MSRA: variants seen among roughly 807,000 people sequenced by gnomAD.
MSRA encodes the protein methionine sulfoxide reductase A, also known as mitochondrial peptide methionine sulfoxide reductase.
A neutral mutation model predicts 31.3 loss-of-function variants in MSRA; 54 were observed. The ratio of observed to expected loss-of-function variants is 1.73; its 90% CI spans 1.39 to 2.17. MSRA has a LOEUF of 2.17. Among genes scored for constraint, MSRA ranks in the 30% most tolerant of loss-of-function variants. The pLI is 0.00. For missense variants in MSRA, 507 were observed against 300.9 expected (o/e 1.69, Z -5.07); for synonymous variants, 169 against 116.5 (o/e 1.45, Z -2.90).
At chr8:10,357,775 C>T (rs937831903) in intron 5 of MSRA, among the ~76,000 whole-genome samples, 17 of 152,206 alleles carry the variant, frequency 1.1e-4, no homozygotes, top group Middle Eastern at 3.2e-3. Context: ...ACACACCATA[C>T]AATGTGTAGT....
At chr8:10,061,991 T>C (rs550311001) in intron 1 of MSRA, among the ~76,000 whole-genome samples, 93 of 152,216 alleles carry the variant, frequency 6.1e-4, no homozygotes, top group African/African-American at 2.2e-3. Context: ...TGTGAGCCCC[T>C]GCGTTGGGTG....
chr8:10,280,910 T>C (rs551941282), intron 3 of MSRA, among the ~76,000 whole-genome samples: 1 of 152,302 alleles, frequency 6.6e-6, no homozygotes, highest in South Asian at 2.1e-4. Flanking sequence ...CAAAAAACCA[T>C]AGAGTGTATG....
chr8:10,063,681 C>A (rs553217298), intron 1 of MSRA, among the ~76,000 whole-genome samples: 1 of 152,138 alleles, frequency 6.6e-6, no homozygotes, highest in Non-Finnish European at 1.5e-5. Flanking sequence ...CTAGTCTTTT[C>A]GGCCATGTGA....
intron 1 of MSRA, among the ~76,000 whole-genome samples, chr8:10,055,188 C>A (rs1430186232): frequency 6.6e-6 from 1 of 152,098 alleles, no homozygotes; most frequent in African/African-American, 2.4e-5. Context: ...CCCTAGTCAC[C>A]CCTCGTGCCC....
chr8:10,065,481 A>G (rs997031761), intron 1 of MSRA, among the ~76,000 whole-genome samples: 3 of 152,232 alleles, frequency 2.0e-5, no homozygotes, highest in African/African-American at 7.2e-5. Flanking sequence ...TGCAGTTTAG[A>G]CCTTGGATGA....
At chr8:10,424,335 G>T (rs1190904663) in intron 5 of MSRA, among the ~76,000 whole-genome samples, 1 of 152,186 alleles carries the variant, frequency 6.6e-6, no homozygotes, top group Admixed American at 6.5e-5. Context: ...GGTGAATCAG[G>T]GAGAAGGGCC....
chr8:10,390,955 G>A (rs571274486), intron 5 of MSRA, among the ~76,000 whole-genome samples: 92 of 144,034 alleles, frequency 6.4e-4, no homozygotes, highest in African/African-American at 2.0e-3. Flanking sequence ...CAGCCTGGGC[G>A]ATAAGTGAGA....
At chr8:10,416,752 A>G (rs182758084) in intron 5 of MSRA, among the ~76,000 whole-genome samples, 17 of 152,292 alleles carry the variant, frequency 1.1e-4, no homozygotes, top group African/African-American at 4.1e-4. Flanking sequence ...CGTCTGGGGA[A>G]GGGCCCAGAC....
intron 1 of MSRA, among the ~76,000 whole-genome samples, chr8:10,172,297 G>A (rs988797816): frequency 3.9e-5 from 6 of 152,184 alleles, no homozygotes; most frequent in African/African-American, 9.7e-5. Flanking sequence ...TGCCATTTAG[G>A]AGGCCTTGGG....
At chr8:10,238,304 A>G (rs935444176) in intron 2 of MSRA, among the ~76,000 whole-genome samples, 6 of 152,196 alleles carry the variant, frequency 3.9e-5, no homozygotes, top group African/African-American at 1.4e-4. Context: ...GTGCTTTCCC[A>G]GCCCACCTGA....
intron 5 of MSRA, among the ~76,000 whole-genome samples, chr8:10,351,079 G>A (rs1028941442): frequency 2.0e-5 from 3 of 152,170 alleles, no homozygotes; most frequent in Non-Finnish European, 2.9e-5. Context: ...AGAATGCTGT[G>A]AGTCAGACGA....
intron 5 of MSRA, among the ~76,000 whole-genome samples, chr8:10,348,842 G>A (rs547653247): frequency 1.3e-5 from 2 of 152,172 alleles, no homozygotes; most frequent in Non-Finnish European, 2.9e-5. Flanking sequence ...GAAGGCTTGG[G>A]GGGGACAAGG....
intron 2 of MSRA, among the ~76,000 whole-genome samples, chr8:10,236,471 A>G (rs1811951604): frequency 6.6e-6 from 1 of 152,224 alleles, no homozygotes; most frequent in South Asian, 2.1e-4. Context: ...ATCAAAAAGT[A>G]TAGTAGAAAA....
At chr8:10,226,363 A>C (rs756140403) in intron 2 of MSRA, among the ~76,000 whole-genome samples, 10 of 152,176 alleles carry the variant, frequency 6.6e-5, no homozygotes, top group Non-Finnish European at 1.0e-4. Flanking sequence ...GAATGCTAAG[A>C]AGAGGGTCCC....
At chr8:10,238,816 T>C (rs141765982) in intron 2 of MSRA, among the ~76,000 whole-genome samples, 3 of 152,264 alleles carry the variant, frequency 2.0e-5, no homozygotes, top group African/African-American at 7.2e-5. Flanking sequence ...TCTGAAAATA[T>C]AGGATATTAT....
At chr8:10,067,349 T>C (rs1430453142) in intron 1 of MSRA, among the ~76,000 whole-genome samples, 1 of 152,252 alleles carries the variant, frequency 6.6e-6, no homozygotes, top group East Asian at 1.9e-4. Context: ...CCTGGTTGGA[T>C]AGCCAAATTT....
intron 1 of MSRA, among the ~76,000 whole-genome samples, chr8:10,130,874 A>G (rs563147099): frequency 7.2e-5 from 11 of 152,318 alleles, no homozygotes; most frequent in African/African-American, 1.4e-4. Context: ...CCTCCGAGGA[A>G]TAGCCTTCTC....
rs1308707809 is a variant in MSRA at position 10,054,391 on chromosome 8, G to A, written c.-126G>A. On this transcript the variant is annotated 5_prime_UTR_variant, in exon 1 of 6. Transcript: ENST00000317173. ...TCCAGCCCCGCCAGCAGCGCCCCGC[G>A]CCCGCCCGCCCGCGCCCCTGCCGCC... 2 of 586,232 alleles carry A rather than the reference G, an allele frequency of 3.4e-6. No individual in the cohort carries two copies. Among genetic ancestry groups the A allele is most frequent in the Middle Eastern group, 5.6e-4 (1 of 1,778 alleles). 36.3% of individuals were successfully genotyped at this position (586,232 alleles called of 1,614,324 possible). A position where few individuals can be genotyped will look rare whatever the true frequency, so the allele number is the denominator to read the frequency against.
intron 5 of MSRA, among the ~76,000 whole-genome samples, chr8:10,382,142 C>T (rs1320034389): frequency 6.6e-6 from 1 of 152,206 alleles, no homozygotes; most frequent in African/African-American, 2.4e-5. Flanking sequence ...AAGGCTGTTG[C>T]AGCTGCAGGC....
Sources: gnomAD v4.1 joint callset for allele counts (sites outside exome capture counted in the v4.1 genomes callset) on GRCh38, gnomAD v4.1.1 for gene constraint, MANE v1.5 for transcripts, NCBI Gene and HGNC (gene_info 2026-07-23, HGNC 2026-07-21) for gene names.